NXPH2: variants seen among roughly 807,000 people sequenced by gnomAD.
NXPH2 encodes the protein neurexophilin 2.
NXPH2 carries 5 observed loss-of-function variants against 19.8 expected under a neutral mutation model. That is an observed-to-expected ratio of 0.25 (90% CI 0.13 to 0.53). The LOEUF (loss-of-function observed/expected upper bound fraction) is 0.53. NXPH2 is among the 20% of genes least tolerant of loss of function. NXPH2 has a pLI of 0.96. For synonymous variants in NXPH2, 154 were observed against 127.4 expected, an observed-to-expected ratio of 1.21 and a Z score of -1.41; for missense variants, 289 against 322.8, an observed-to-expected ratio of 0.90 and a Z score of 0.80.
chr2:138,742,020 T>C (rs1681651613), intron 1 of NXPH2, among the ~76,000 whole-genome samples: 1 of 152,208 alleles, frequency 6.6e-6, no homozygotes, highest in Non-Finnish European at 1.5e-5. Flanking sequence ...ATGCCATCAT[T>C]ACCTCATGAT....
At chr2:138,721,452 T>C (rs914456907) in intron 1 of NXPH2, among the ~76,000 whole-genome samples, 2 of 152,202 alleles carry the variant, frequency 1.3e-5, no homozygotes, top group Middle Eastern at 3.4e-3. Context: ...ATCATGATTT[T>C]ATATTATAGA....
intron 1 of NXPH2, among the ~76,000 whole-genome samples, chr2:138,692,287 G>A (rs1339510886): frequency 6.6e-6 from 1 of 152,108 alleles, no homozygotes. Flanking sequence ...TGTCACTGCT[G>A]GTATGAATTC....
At chr2:138,686,647 AC>A in intron 1 of NXPH2, among the ~76,000 whole-genome samples, 1 of 152,222 alleles carries the variant, frequency 6.6e-6, no homozygotes, top group African/African-American at 2.4e-5. Flanking sequence ...GGTGTGCTGC[AC>A]CCATTAACTC....
At chr2:138,745,502 G>A (rs560190246) in intron 1 of NXPH2, among the ~76,000 whole-genome samples, 1 of 147,486 alleles carries the variant, frequency 6.8e-6, no homozygotes, top group African/African-American at 2.6e-5. Flanking sequence ...GCGGGGGGGG[G>A]GGGGTGTTGT....
chr2:138,770,277 T>A (rs1682157084), intron 1 of NXPH2, among the ~76,000 whole-genome samples: 1 of 152,150 alleles, frequency 6.6e-6, no homozygotes, highest in Admixed American at 6.5e-5. Context: ...TACAAAAATC[T>A]GGCATGTTTC....
intron 1 of NXPH2, among the ~76,000 whole-genome samples, chr2:138,682,496 G>T (rs1054423184): frequency 1.3e-5 from 2 of 152,124 alleles, no homozygotes; most frequent in Non-Finnish European, 2.9e-5. Context: ...TGTACTAATT[G>T]TACCTATTAA....
chr2:138,771,291 T>A (rs1682170811), intron 1 of NXPH2, among the ~76,000 whole-genome samples: 1 of 152,172 alleles, frequency 6.6e-6, no homozygotes, highest in East Asian at 1.9e-4. Flanking sequence ...AATATGCTAT[T>A]GCATTAAAAA....
At chr2:138,755,463 A>T (rs1681892260) in intron 1 of NXPH2, among the ~76,000 whole-genome samples, 1 of 152,156 alleles carries the variant, frequency 6.6e-6, no homozygotes, top group Non-Finnish European at 1.5e-5. Context: ...TTCCTTTGTC[A>T]AAAATCAGCT....
At chr2:138,695,705 C>T (rs1680819667) in intron 1 of NXPH2, among the ~76,000 whole-genome samples, 1 of 151,768 alleles carries the variant, frequency 6.6e-6, no homozygotes, top group Non-Finnish European at 1.5e-5. Flanking sequence ...AGCTTCATTC[C>T]CTTGTCAGAT....
At chr2:138,755,590 A>G (rs1225821289) in intron 1 of NXPH2, among the ~76,000 whole-genome samples, 1 of 152,076 alleles carries the variant, frequency 6.6e-6, no homozygotes, top group Non-Finnish European at 1.5e-5. Flanking sequence ...GCCTAATAGT[A>G]AGTCTTAAAA....
intron 1 of NXPH2, among the ~76,000 whole-genome samples, chr2:138,702,591 C>T (rs1167461678): frequency 6.6e-6 from 1 of 151,202 alleles, no homozygotes; most frequent in African/African-American, 2.4e-5. Context: ...CCCTCCCAAC[C>T]CCCACACAAT....
intron 1 of NXPH2, among the ~76,000 whole-genome samples, chr2:138,767,674 T>C (rs1275898926): frequency 6.6e-6 from 1 of 152,172 alleles, no homozygotes; most frequent in Non-Finnish European, 1.5e-5. Flanking sequence ...AGATAAAACG[T>C]TTTTTTCCTA....
intron 1 of NXPH2, among the ~76,000 whole-genome samples, chr2:138,694,699 T>C (rs1343386887): frequency 6.6e-6 from 1 of 152,196 alleles, no homozygotes; most frequent in Non-Finnish European, 1.5e-5. Flanking sequence ...TGACTTATGA[T>C]GGTTCAACTT....
chr2:138,762,460 T>C (rs1682032018), intron 1 of NXPH2, among the ~76,000 whole-genome samples: 1 of 152,228 alleles, frequency 6.6e-6, no homozygotes, highest in South Asian at 2.1e-4. Context: ...GTTGTTTTGG[T>C]TCCACCTCAT....
intron 1 of NXPH2, among the ~76,000 whole-genome samples, chr2:138,739,334 G>C (rs912989569): frequency 1.3e-5 from 2 of 152,150 alleles, no homozygotes; most frequent in Non-Finnish European, 1.5e-5. Flanking sequence ...ACAACCACAG[G>C]ATTTAAAACC....
rs1218887016 is a variant in NXPH2 at position 138,671,339 on chromosome 2, G to A, written c.378C>T (p.Leu126=). Residue 126 remains leucine (L), a synonymous_variant, in exon 2 of 2, where the codon CTC becomes CTT. Transcript: ENST00000272641. ...CAATTTTCCCTGTGATGAGGAGATT[G>A]AGTTTGACAGTTTTAATGTTGGAAT... is the stretch of plus-strand genomic sequence containing the variant. The part of the protein sequence containing the change: ...DFHSNIKTVK[L]NLLITGKIVD... 6.2e-7 allele frequency: 1 copy of A among 1,613,834 alleles called. No individual in the cohort carries two copies. Among genetic ancestry groups the A allele is most frequent in the Non-Finnish European group, 8.5e-7 (1 of 1,179,800 alleles).
chr2:138,719,154 C>G (rs995884070), intron 1 of NXPH2, among the ~76,000 whole-genome samples: 1 of 151,884 alleles, frequency 6.6e-6, no homozygotes, highest in South Asian at 2.1e-4. Context: ...CAAAGTAGAG[C>G]TATATAATGG....
chr2:138,702,731 G>A (rs7424581), intron 1 of NXPH2, among the ~76,000 whole-genome samples: 4,415 of 152,172 alleles, frequency 0.029, 79 homozygotes, highest in African/African-American at 0.035. Context: ...TGCTGCCTCC[G>A]TCTACATTGG....
At chr2:138,761,463 A>G (rs1300926665) in intron 1 of NXPH2, among the ~76,000 whole-genome samples, 2 of 152,120 alleles carry the variant, frequency 1.3e-5, no homozygotes, top group African/African-American at 4.8e-5. Flanking sequence ...ACATTTCTTT[A>G]TGGGTTTGAA....
Sources: gnomAD v4.1 joint callset for allele counts (sites outside exome capture counted in the v4.1 genomes callset) on GRCh38, gnomAD v4.1.1 for gene constraint, MANE v1.5 for transcripts, NCBI Gene and HGNC (gene_info 2026-07-23, HGNC 2026-07-21) for gene names.